Variants in NELL1 observed in about 807,000 individuals in gnomAD.
NELL1 encodes neural EGFL like 1.
NELL1 carries 76 observed loss-of-function variants against 107.4 expected under a neutral mutation model. The ratio of observed to expected loss-of-function variants is 0.71; its 90% CI spans 0.59 to 0.86. The LOEUF is 0.86. Ranked by LOEUF, NELL1 falls within the 40% of genes least tolerant of loss-of-function variation. NELL1 has a pLI of 0.00. For missense variants in NELL1, 1,024 were observed against 1,005.5 expected (o/e 1.02, Z -0.25); for synonymous variants, 353 against 341.2 (o/e 1.03, Z -0.38).
intron 9 of NELL1, among the ~76,000 whole-genome samples, chr11:20,931,507 G>A (rs1040689555): frequency 6.6e-6 from 1 of 152,120 alleles, no homozygotes; most frequent in African/African-American, 2.4e-5. Flanking sequence ...ATACCACAGT[G>A]CCTACGTATT....
chr11:21,543,237 T>C (rs1856339021), intron 16 of NELL1, among the ~76,000 whole-genome samples: 1 of 152,010 alleles, frequency 6.6e-6, no homozygotes. Flanking sequence ...TTCAAAATTG[T>C]TGTTTCCAAA....
At chr11:21,136,809 A>T (rs1049253182) in intron 13 of NELL1, among the ~76,000 whole-genome samples, 3 of 152,168 alleles carry the variant, frequency 2.0e-5, no homozygotes, top group African/African-American at 7.2e-5. Context: ...AGACTATTGT[A>T]AAAAATGGTC....
intron 15 of NELL1, among the ~76,000 whole-genome samples, chr11:21,469,002 T>G (rs969038145): frequency 2.6e-5 from 4 of 151,974 alleles, no homozygotes; most frequent in Non-Finnish European, 5.9e-5. Flanking sequence ...TTTTTTTGTT[T>G]GTTTTTTGTT....
intron 14 of NELL1, among the ~76,000 whole-genome samples, chr11:21,317,711 A>G (rs998213615): frequency 6.6e-6 from 1 of 152,078 alleles, no homozygotes; most frequent in Non-Finnish European, 1.5e-5. Context: ...GTCAAAAAGT[A>G]AAGGCCTTGA....
chr11:21,115,497 A>G (rs1010710120), intron 13 of NELL1, among the ~76,000 whole-genome samples: 4 of 152,028 alleles, frequency 2.6e-5, no homozygotes, highest in African/African-American at 9.7e-5. Flanking sequence ...TGGAGGACAG[A>G]GGGCTGGTGA....
At chr11:21,080,345 T>C (rs926184994) in intron 12 of NELL1, among the ~76,000 whole-genome samples, 1 of 152,100 alleles carries the variant, frequency 6.6e-6, no homozygotes, top group South Asian at 2.1e-4. Flanking sequence ...TCTTGTTTCT[T>C]GGATGTCCTT....
chr11:20,981,978 CTCTT>C (rs1415392765), intron 12 of NELL1, among the ~76,000 whole-genome samples: 3 of 147,444 alleles, frequency 2.0e-5, no homozygotes, highest in Non-Finnish European at 4.5e-5. Flanking sequence ...CTCTCTCTCT[CTCTT>C]TCTCTCTCTT....
intron 5 of NELL1, among the ~76,000 whole-genome samples, chr11:20,885,827 T>C (rs1167677249): frequency 6.6e-6 from 1 of 152,210 alleles, no homozygotes; most frequent in Non-Finnish European, 1.5e-5. Context: ...CAGGGATGGA[T>C]GATCCAGAAG....
intron 2 of NELL1, among the ~76,000 whole-genome samples, chr11:20,684,608 C>G (rs1234736566): frequency 2.0e-5 from 3 of 152,086 alleles, no homozygotes; most frequent in Non-Finnish European, 2.9e-5. Flanking sequence ...ATTACTTCTT[C>G]CTTGCATGCC....
At chr11:20,789,556 C>A (rs1253546385) in intron 3 of NELL1, among the ~76,000 whole-genome samples, 4 of 152,226 alleles carry the variant, frequency 2.6e-5, no homozygotes, top group Admixed American at 2.6e-4. Context: ...CTCTTTGCCC[C>A]CAATGTGGCA....
At chr11:21,556,221 A>AAC (rs150745119) in intron 16 of NELL1, among the ~76,000 whole-genome samples, 20 of 151,760 alleles carry the variant, frequency 1.3e-4, no homozygotes, top group Admixed American at 4.6e-4. Flanking sequence ...TCCAGGTAGG[A>AAC]ACACACACAC....
intron 13 of NELL1, among the ~76,000 whole-genome samples, chr11:21,197,375 T>C (rs966209618): frequency 1.7e-4 from 26 of 150,656 alleles, no homozygotes; most frequent in Non-Finnish European, 3.5e-4. Flanking sequence ...TTGTTTCCTA[T>C]GCTTCTGGGT....
In NELL1 at chr11:21,415,644, A is replaced by G. The variant is rs367634576; in HGVS notation, c.1645+44696A>G. On this transcript the variant is annotated intron_variant, in intron 15 of 19. Transcript: ENST00000357134. ...TAACTGTCACTGTGGCGTCTCTTTA[A>G]TTGATGACAGCTGAGTACCCAGGCT... Among the ~76,000 whole-genome samples, 16 of 152,028 alleles carry G rather than the reference A, an allele frequency of 1.1e-4. No individual in the cohort carries two copies. In the East Asian group the frequency reaches 2.9e-3, roughly 28 times the overall value.
intron 5 of NELL1, among the ~76,000 whole-genome samples, chr11:20,895,295 A>AAAAAAAAAAAAAAAAAAAAAT: frequency 7.9e-6 from 1 of 126,178 alleles, no homozygotes; most frequent in Non-Finnish European, 1.6e-5. Flanking sequence ...AAAAAAAAAA[A>AAAAAAAAAAAAAAAAAAAAAT]AAAAAAAAAA....
At chr11:21,229,664 G>A (rs751583600) in intron 14 of NELL1, among the ~76,000 whole-genome samples, 54 of 152,178 alleles carry the variant, frequency 3.5e-4, no homozygotes, top group Admixed American at 5.9e-4. Flanking sequence ...TATAGGTATG[G>A]GTCAGGGACA....
chr11:20,920,811 C>G (rs1022242392), intron 7 of NELL1, among the ~76,000 whole-genome samples: 1 of 152,016 alleles, frequency 6.6e-6, no homozygotes, highest in Non-Finnish European at 1.5e-5. Context: ...ACAGAGAGCT[C>G]TATTCTCAAA....
chr11:21,483,039 G>A (rs1220193185), intron 15 of NELL1, among the ~76,000 whole-genome samples: 1 of 151,784 alleles, frequency 6.6e-6, no homozygotes, highest in Non-Finnish European at 1.5e-5. Flanking sequence ...CCAGGCTGGA[G>A]TGCGGTGGAG....
chr11:21,305,208 T>C (rs1849581289), intron 14 of NELL1, among the ~76,000 whole-genome samples: 1 of 152,072 alleles, frequency 6.6e-6, no homozygotes, highest in Non-Finnish European at 1.5e-5. Context: ...GTATGGTCAA[T>C]CTTTCTTGGG....
chr11:21,205,903 G>A (rs1857379956), intron 13 of NELL1, among the ~76,000 whole-genome samples: 1 of 152,148 alleles, frequency 6.6e-6, no homozygotes, highest in Middle Eastern at 3.4e-3. Flanking sequence ...GCCAAAGATA[G>A]TTAAATAATT....
Sources: allele counts gnomAD v4.1 joint callset (sites outside exome capture counted in the v4.1 genomes callset), GRCh38; gene constraint gnomAD v4.1.1; transcripts MANE v1.5; gene names NCBI Gene and HGNC (gene_info 2026-07-23, HGNC 2026-07-21).